The following WAPL variants were observed in gnomAD, a reference collection of about 807,000 sequenced individuals.
WAPL encodes wings apart-like protein homolog.
In WAPL, 5 loss-of-function variants were observed where a neutral mutation model predicts 121.0. The observed-to-expected ratio is 0.04, with a 90% CI of 0.02 to 0.09. WAPL has a LOEUF of 0.09. Ranked by LOEUF, WAPL falls within the 10% of genes least tolerant of loss-of-function variation. The pLI is 1.00. For synonymous variants in WAPL, 480 were observed against 481.5 expected (o/e 1.00, Z 0.04); for missense variants, 999 against 1,410.8 (o/e 0.71, Z 4.68).
At chr10:86,453,894 A>G (rs76592152) in intron 12 of WAPL, 63 bp from the exon 13 acceptor site, 58,640 of 1,291,326 alleles carry the variant, frequency 0.045, 3,229 homozygotes, top group East Asian at 0.35. Flanking sequence ...GCAAATTTCT[A>G]TTTACTTGAA....
intron 15 of WAPL, among the ~76,000 whole-genome samples, chr10:86,448,008 G>A (rs944495284): frequency 1.3e-5 from 2 of 151,700 alleles, no homozygotes; most frequent in Admixed American, 6.6e-5. Flanking sequence ...AGATGGTGCC[G>A]CTGCACTCCA....
At chr10:86,485,096 C>A (rs1387073189) in intron 4 of WAPL, among the ~76,000 whole-genome samples, 8 of 149,458 alleles carry the variant, frequency 5.4e-5, no homozygotes, top group Admixed American at 4.7e-4. Flanking sequence ...AACCCCTACC[C>A]CCCTCCTTCC....
intron 14 of WAPL, among the ~76,000 whole-genome samples, chr10:86,452,637 A>G (rs1342431841): frequency 6.6e-6 from 1 of 152,040 alleles, no homozygotes; most frequent in African/African-American, 2.4e-5. Context: ...AAACAAAAAA[A>G]CCACCGATTT....
chr10:86,454,130 A>G (rs1039494527), intron 12 of WAPL, among the ~76,000 whole-genome samples: 3 of 152,242 alleles, frequency 2.0e-5, no homozygotes, highest in African/African-American at 7.2e-5. Context: ...CAAATGGTTA[A>G]CAGCTAATGT....
At chr10:86,454,260 GT>G (rs2132174952) in intron 12 of WAPL, among the ~76,000 whole-genome samples, 1 of 152,274 alleles carries the variant, frequency 6.6e-6, no homozygotes, top group South Asian at 2.1e-4. Context: ...CACTACCAAC[GT>G]TGACAGTATA....
intron 2 of WAPL, among the ~76,000 whole-genome samples, chr10:86,502,361 G>A (rs1842263264): frequency 6.6e-6 from 1 of 152,088 alleles, no homozygotes; most frequent in South Asian, 2.1e-4. Context: ...CATACTTCTT[G>A]AATTTTATAC....
At chr10:86,492,302 GA>G (rs1448902504) in intron 4 of WAPL, among the ~76,000 whole-genome samples, 1 of 152,124 alleles carries the variant, frequency 6.6e-6, no homozygotes, top group Non-Finnish European at 1.5e-5. Flanking sequence ...ATAACGATTA[GA>G]AAACTCATCA....
intron 17 of WAPL, among the ~76,000 whole-genome samples, chr10:86,440,675 T>A (rs1564559035): frequency 6.6e-6 from 1 of 152,184 alleles, no homozygotes; most frequent in South Asian, 2.1e-4. Context: ...CTTAAAATCT[T>A]GTCATTGGAA....
At chr10:86,520,766 T>TAAAAAA (rs10574217) in intron 1 of WAPL, among the ~76,000 whole-genome samples, 33 of 98,024 alleles carry the variant, frequency 3.4e-4, no homozygotes, top group Non-Finnish European at 4.3e-4. Context: ...CGCTGTGATT[T>TAAAAAA]AAAAAAAAAA....
In WAPL at chr10:86,507,346, C is replaced by T. The variant is rs190622083; in HGVS notation, c.500-6603G>A. ...CTGTGCCACTGCACTCCAGCCTGGGCGTCAGCGAGACTCTGTCTCAAAAAA... is the reference window on the plus strand; with the variant it reads ...CTGTGCCACTGCACTCCAGCCTGGGTGTCAGCGAGACTCTGTCTCAAAAAA... On this transcript the variant is annotated intron_variant, in intron 2 of 18. Coordinates refer to ENST00000298767, the MANE Select transcript of WAPL (RefSeq NM_015045.5). Among the ~76,000 whole-genome samples the T allele has an allele frequency of 7.3e-3, 812 of 111,388 alleles. 7 individuals carry two copies. The highest frequency in any genetic ancestry group is 0.049 in the Middle Eastern group (5 of 102). The allele number at this position is 111,388 out of a possible 152,430, so 73.1% of individuals were successfully genotyped here.
chr10:86,456,681 G>A (rs896594038), intron 12 of WAPL, among the ~76,000 whole-genome samples: 3 of 152,128 alleles, frequency 2.0e-5, no homozygotes, highest in Non-Finnish European at 2.9e-5. Context: ...CAACCCTTTG[G>A]TCAGGAAGGT....
At chr10:86,458,616 T>G (rs1484710864) in intron 12 of WAPL, among the ~76,000 whole-genome samples, 1 of 152,188 alleles carries the variant, frequency 6.6e-6, no homozygotes, top group Non-Finnish European at 1.5e-5. Context: ...AAATTTTTTA[T>G]ATGTATTTTT....
chr10:86,518,545 T>C (rs538053677), intron 1 of WAPL, among the ~76,000 whole-genome samples: 1 of 152,160 alleles, frequency 6.6e-6, no homozygotes, highest in Non-Finnish European at 1.5e-5. Flanking sequence ...CCATCTCTAC[T>C]AAAAATACAA....
intron 2 of WAPL, among the ~76,000 whole-genome samples, chr10:86,508,957 G>A (rs527963268): frequency 8.9e-4 from 134 of 151,260 alleles, no homozygotes; most frequent in Middle Eastern, 3.4e-3. Flanking sequence ...GGGTTTCACC[G>A]TGGTCTCGAT....
intron 16 of WAPL, 132 bp from the exon 17 acceptor site, chr10:86,443,495 T>G: frequency 1.8e-6 from 1 of 553,706 alleles, no homozygotes; most frequent in Non-Finnish European, 3.0e-6. Flanking sequence ...CAACTGGATA[T>G]CCACAGATTA....
chr10:86,512,535 G>A (rs769017843), intron 2 of WAPL, among the ~76,000 whole-genome samples: 9 of 152,288 alleles, frequency 5.9e-5, no homozygotes, highest in South Asian at 4.1e-4. Flanking sequence ...CTCTACTACC[G>A]ACGGCATTGA....
chr10:86,439,955 C>T (rs2132161946), intron 17 of WAPL, among the ~76,000 whole-genome samples: 1 of 152,376 alleles, frequency 6.6e-6, no homozygotes, highest in East Asian at 1.9e-4. Context: ...TTCACTTACA[C>T]ATTAGGTAAA....
At chr10:86,467,057 G>A (rs927905740) in intron 9 of WAPL, 58 of 483,342 alleles carry the variant, frequency 1.2e-4, no homozygotes, top group Non-Finnish European at 1.7e-4. Context: ...AACAGAAAAT[G>A]TGCAACTATT....
chr10:86,457,327 T>TA (rs10668599), intron 12 of WAPL, among the ~76,000 whole-genome samples: 8,743 of 111,146 alleles, frequency 0.079, 667 homozygotes, highest in East Asian at 0.39. Flanking sequence ...CTGTATCTAT[T>TA]AAAAAAAAAA....
Sources: allele counts gnomAD v4.1 joint callset (sites outside exome capture counted in the v4.1 genomes callset), GRCh38; gene constraint gnomAD v4.1.1; transcripts MANE v1.5; gene names NCBI Gene and HGNC (gene_info 2026-07-23, HGNC 2026-07-21).